Variants in SHC4 observed in about 807,000 individuals in gnomAD.
SHC4 encodes SHC adaptor protein 4, also known as SHC-transforming protein 4.
SHC4 carries 41 observed loss-of-function variants against 69.4 expected under a neutral mutation model. The ratio of observed to expected loss-of-function variants is 0.59; its 90% CI spans 0.46 to 0.77. The LOEUF is 0.77. SHC4 is among the 30% of genes least tolerant of loss of function. SHC4 has a pLI of 0.00. For synonymous variants in SHC4, 318 were observed against 299.3 expected (o/e 1.06, Z -0.64); for missense variants, 777 against 783.8 (o/e 0.99, Z 0.10).
intron 2 of SHC4, 39 bp downstream of exon 2, chr15:48,924,840 C>A: frequency 6.3e-7 from 1 of 1,599,018 alleles, no homozygotes; most frequent in Non-Finnish European, 8.6e-7. Flanking sequence ...TGACTTTAAA[C>A]CATACTCCTC....
intron 5 of SHC4, among the ~76,000 whole-genome samples, chr15:48,868,592 TG>T (rs1290021185): frequency 6.6e-6 from 1 of 152,234 alleles, no homozygotes; most frequent in Non-Finnish European, 1.5e-5. Flanking sequence ...TAATTAAAGA[TG>T]CTTTTTGTTA....
chr15:48,959,033 T>G (rs1423617434), intron 1 of SHC4, among the ~76,000 whole-genome samples: 2 of 152,238 alleles, frequency 1.3e-5, no homozygotes, highest in Non-Finnish European at 2.9e-5. Flanking sequence ...GCTATATAAT[T>G]TATTCTACAT....
intron 2 of SHC4, among the ~76,000 whole-genome samples, chr15:48,902,174 G>C (rs931669943): frequency 6.7e-6 from 1 of 148,632 alleles, no homozygotes; most frequent in African/African-American, 2.5e-5. Flanking sequence ...CTGCACTCCA[G>C]CCTGGGCCAG....
chr15:48,862,648 T>C (rs1899468149), intron 6 of SHC4, among the ~76,000 whole-genome samples: 1 of 152,214 alleles, frequency 6.6e-6, no homozygotes, highest in Admixed American at 6.5e-5. Context: ...CCCTGCAATC[T>C]GGCTCCTGCC....
intron 2 of SHC4, among the ~76,000 whole-genome samples, chr15:48,912,027 G>A (rs1463398039): frequency 6.6e-6 from 1 of 152,176 alleles, no homozygotes; most frequent in Non-Finnish European, 1.5e-5. Context: ...CAGCTCTTAA[G>A]ATTCTTTCCT....
At chr15:48,938,832 G>A (rs1567074787) in intron 1 of SHC4, among the ~76,000 whole-genome samples, 1 of 152,198 alleles carries the variant, frequency 6.6e-6, no homozygotes, top group Non-Finnish European at 1.5e-5. Flanking sequence ...AACCATGAGA[G>A]GGGAGAAGGA....
intron 3 of SHC4, 35 bp downstream of exon 3, chr15:48,890,713 G>C (rs201075654): frequency 1.2e-6 from 2 of 1,611,878 alleles, no homozygotes; most frequent in Non-Finnish European, 1.7e-6. Context: ...CCATAATTAG[G>C]GAAACATAAA....
intron 1 of SHC4, among the ~76,000 whole-genome samples, chr15:48,950,234 A>G: frequency 1.4e-5 from 2 of 146,568 alleles, no homozygotes; most frequent in Middle Eastern, 7.2e-3. Flanking sequence ...TAAAATTTAT[A>G]TATTATTAAA....
intron 1 of SHC4, among the ~76,000 whole-genome samples, chr15:48,939,553 G>A (rs1901137075): frequency 6.6e-6 from 1 of 152,218 alleles, no homozygotes; most frequent in Non-Finnish European, 1.5e-5. Flanking sequence ...GAGGGCAGAA[G>A]CTGGTTCTCA....
rs865949317 is a variant in SHC4, at chr15:48,953,268, G to A, written c.585+9163C>T. Among the ~76,000 whole-genome samples the A allele has an allele frequency of 1.8e-4, 27 of 152,278 alleles. No individual in the cohort carries two copies. The Middle Eastern group carries it at 0.01, about 58-fold the overall frequency. On this transcript the variant is annotated intron_variant, in intron 1 of 11. Coordinates refer to ENST00000332408, the MANE Select transcript of SHC4 (RefSeq NM_203349.4). ...ACAACACACATTGGGGCCTATCAGA[G>A]GGTGGAGGATGAGAGGAGGGAGAGG...
intron 5 of SHC4, among the ~76,000 whole-genome samples, chr15:48,871,135 T>C (rs1899668564): frequency 6.6e-6 from 1 of 152,214 alleles, no homozygotes; most frequent in Non-Finnish European, 1.5e-5. Context: ...AACTGAATTG[T>C]ATTGGTTCGT....
intron 2 of SHC4, among the ~76,000 whole-genome samples, chr15:48,906,145 A>G (rs1402441557): frequency 6.6e-6 from 1 of 152,228 alleles, no homozygotes; most frequent in East Asian, 1.9e-4. Context: ...AAGGGGCCCA[A>G]ATATATACAG....
At chr15:48,915,324 C>A (rs550288603) in intron 2 of SHC4, among the ~76,000 whole-genome samples, 1 of 152,300 alleles carries the variant, frequency 6.6e-6, no homozygotes, top group South Asian at 2.1e-4. Context: ...CTATCAGAAC[C>A]ATTCCCAATT....
At chr15:48,867,754 T>C (rs1041958668) in intron 6 of SHC4, 64 bp downstream of exon 6, 1 of 1,322,780 alleles carries the variant, frequency 7.6e-7, no homozygotes, top group East Asian at 2.3e-5. Context: ...AAAATAACTG[T>C]TGGTTACTTT....
Position 48,832,220 on chromosome 15 carries a change from C to T in SHC4, c.1737+2549G>A, listed in dbSNP as rs768241600. On this transcript the variant is annotated intron_variant, in intron 11 of 11. Transcript: ENST00000332408. Reference sequence around the variant, plus strand: ...CCAGGAGGCAGAGGTTGCAGTGAACCGAGATGGTGCCATTGTACTCCAGCC... The same window carrying T: ...CCAGGAGGCAGAGGTTGCAGTGAACTGAGATGGTGCCATTGTACTCCAGCC... Among the ~76,000 whole-genome samples the T allele has an allele frequency of 5.3e-5, 8 of 151,902 alleles. No homozygotes were observed. The South Asian group carries it at 6.2e-4, about 12-fold the overall frequency.
chr15:48,857,509 G>T (rs1375491914), intron 7 of SHC4, among the ~76,000 whole-genome samples, 183 bp downstream of exon 7: 1 of 151,960 alleles, frequency 6.6e-6, no homozygotes, highest in Non-Finnish European at 1.5e-5. Flanking sequence ...GGATAAATAT[G>T]AATGGAAGGA....
At chr15:48,912,837 G>A (rs1182167251) in intron 2 of SHC4, among the ~76,000 whole-genome samples, 8 of 152,076 alleles carry the variant, frequency 5.3e-5, no homozygotes, top group African/African-American at 9.7e-5. Context: ...CCTGTGAGCC[G>A]AACTGCAGTG....
At chr15:48,891,752 A>G (rs563405020) in intron 2 of SHC4, among the ~76,000 whole-genome samples, 10 of 152,332 alleles carry the variant, frequency 6.6e-5, no homozygotes, top group Admixed American at 5.9e-4. Context: ...TAGTTTTTAT[A>G]TATATTATAT....
At position 48,891,495 on chromosome 15, in the gene SHC4, G is replaced by A. The variant is rs559451124; in HGVS notation, c.657-684C>T. On this transcript the variant is annotated intron_variant, in intron 2 of 11. Transcript: ENST00000332408. ...TAATGGAAGTGGTGAAGAAACTGGC[G>A]CCCTCCTTTCCAGAAATGCAGTTAT... 1.1e-4 allele frequency among the ~76,000 whole-genome samples: 17 copies of A among 152,294 alleles called. No individual in the cohort carries two copies. The East Asian group carries it at 3.3e-3, about 29-fold the overall frequency.
Sources: gnomAD v4.1 joint callset for allele counts (sites outside exome capture counted in the v4.1 genomes callset) on GRCh38, gnomAD v4.1.1 for gene constraint, MANE v1.5 for transcripts, NCBI Gene and HGNC (gene_info 2026-07-23, HGNC 2026-07-21) for gene names.